CACUL1: variants seen among roughly 807,000 people sequenced by gnomAD.
CACUL1 encodes CDK2 associated cullin domain 1.
In CACUL1, 13 loss-of-function variants were observed where a neutral mutation model predicts 45.2. The observed-to-expected ratio is 0.29, with a 90% CI of 0.19 to 0.46. The LOEUF (loss-of-function observed/expected upper bound fraction) is 0.46. CACUL1 is among the 20% of genes least tolerant of loss of function. The pLI is 1.00. For synonymous variants in CACUL1, 197 were observed against 174.2 expected, an observed-to-expected ratio of 1.13 and a Z score of -1.03; for missense variants, 421 against 471.4, an observed-to-expected ratio of 0.89 and a Z score of 0.99.
In CACUL1 at chr10:118,754,641, G is replaced by C. The variant is rs748418336; in HGVS notation, c.122C>G (p.Pro41Arg). Residue 41 changes from proline (P) to arginine (R), a missense_variant, in exon 1 of 9, where the codon CCC (proline) becomes CGC (arginine). By Grantham distance (103) the Pro-to-Arg change is moderately radical (BLOSUM62 -2). Around this residue, in one of 2 missense-constraint regions of CACUL1, gnomAD observed 213 missense variants for 173.1 expected, o/e 1.23. Transcript: ENST00000369151. ...GFRQPLPPPP[P>R]PSSIPAPARE... ...GGCAGGGGCCGGGATCGACGAGGGG[G>C]GCGGCGGAGGTGGCAGGGGCTGCCG... 5.4e-5 allele frequency: 86 copies of C among 1,606,150 alleles called. No individual in the cohort carries two copies. The highest frequency in any genetic ancestry group is 7.3e-5 in the Non-Finnish European group (86 of 1,177,188).
chr10:118,690,064 G>A (rs1045789440), intron 7 of CACUL1, among the ~76,000 whole-genome samples: 8 of 152,122 alleles, frequency 5.3e-5, no homozygotes, highest in Non-Finnish European at 8.8e-5. Flanking sequence ...CAGCACTTTG[G>A]GAGGCCAAGT....
chr10:118,706,740 T>C (rs926145793), intron 4 of CACUL1, among the ~76,000 whole-genome samples: 7 of 152,212 alleles, frequency 4.6e-5, no homozygotes, highest in African/African-American at 1.7e-4. Flanking sequence ...TAAGTGTAAA[T>C]GAAAATCAGG....
intron 3 of CACUL1, among the ~76,000 whole-genome samples, chr10:118,717,967 T>C (rs987247574): frequency 1.3e-5 from 2 of 152,014 alleles, no homozygotes; most frequent in Non-Finnish European, 2.9e-5. Flanking sequence ...AAAAAGGTGG[T>C]GATTAACTGC....
At chr10:118,716,233 A>G (rs552045098) in intron 3 of CACUL1, among the ~76,000 whole-genome samples, 100 of 150,046 alleles carry the variant, frequency 6.7e-4, no homozygotes, top group African/African-American at 2.4e-3. Context: ...CTCCGTCTCA[A>G]AAAAAAAAAG....
At chr10:118,727,401 A>AT (rs1341964743) in intron 3 of CACUL1, among the ~76,000 whole-genome samples, 1 of 61,958 alleles carries the variant, frequency 1.6e-5, no homozygotes, top group Non-Finnish European at 3.8e-5. Flanking sequence ...TCTCAAAAAA[A>AT]TTAAAAAAAA....
chr10:118,754,288 A>C, intron 1 of CACUL1, 108 bp downstream of exon 1: 1 of 1,410,842 alleles, frequency 7.1e-7, no homozygotes, highest in East Asian at 2.8e-5. Context: ...AGAAGAGGAA[A>C]GACCGAGGCC....
intron 4 of CACUL1, 39 bp downstream of exon 4, chr10:118,707,453 A>T (rs1845443075): frequency 1.1e-6 from 1 of 927,112 alleles, no homozygotes; most frequent in Non-Finnish European, 1.8e-6. Flanking sequence ...TCAACAATAC[A>T]CCTAGGTATT....
At chr10:118,738,799 T>C (rs903510715) in intron 1 of CACUL1, among the ~76,000 whole-genome samples, 16 of 144,006 alleles carry the variant, frequency 1.1e-4, no homozygotes, top group South Asian at 4.4e-4. Flanking sequence ...ATCCAGAGAA[T>C]AGAACTTGTT....
intron 1 of CACUL1, among the ~76,000 whole-genome samples, chr10:118,749,910 A>G (rs1399766480): frequency 6.6e-6 from 1 of 152,374 alleles, no homozygotes; most frequent in East Asian, 1.9e-4. Flanking sequence ...CTGTGAAGTC[A>G]GGAATATCAA....
chr10:118,751,920 CTTTAGAGT>C (rs1261351771), intron 1 of CACUL1, among the ~76,000 whole-genome samples: 2 of 152,110 alleles, frequency 1.3e-5, no homozygotes, highest in South Asian at 2.1e-4. Flanking sequence ...TTCCTAGAGA[CTTTAGAGT>C]TTTGTTGCTA....
At chr10:118,691,033 G>A (rs1478989443) in intron 7 of CACUL1, among the ~76,000 whole-genome samples, 1 of 152,124 alleles carries the variant, frequency 6.6e-6, no homozygotes, top group East Asian at 1.9e-4. Flanking sequence ...CCTAGAAAAC[G>A]GAGCAAGACT....
chr10:118,738,360 A>G (rs1845758919), intron 1 of CACUL1, among the ~76,000 whole-genome samples: 1 of 152,226 alleles, frequency 6.6e-6, no homozygotes, highest in Non-Finnish European at 1.5e-5. Flanking sequence ...TGAGAAGCAC[A>G]GAACTGGCAG....
intron 3 of CACUL1, among the ~76,000 whole-genome samples, chr10:118,724,490 C>T (rs192724482): frequency 2.0e-5 from 3 of 152,272 alleles, no homozygotes; most frequent in African/African-American, 7.2e-5. Context: ...TTAGGGTTCC[C>T]ACTAGGAACC....
intron 3 of CACUL1, among the ~76,000 whole-genome samples, chr10:118,715,147 AT>A (rs1240860187): frequency 5.3e-5 from 8 of 152,232 alleles, no homozygotes; most frequent in African/African-American, 1.2e-4. Context: ...GCATAATTAT[AT>A]TAAAAATAAT....
chr10:118,710,162 G>A (rs545068578), intron 3 of CACUL1, among the ~76,000 whole-genome samples: 2 of 151,584 alleles, frequency 1.3e-5, no homozygotes, highest in South Asian at 4.2e-4. Context: ...CTGGGCTCAA[G>A]CAACCCTCCT....
At chr10:118,733,733 C>T (rs1429188093) in intron 1 of CACUL1, among the ~76,000 whole-genome samples, 1 of 152,152 alleles carries the variant, frequency 6.6e-6, no homozygotes, top group African/African-American at 2.4e-5. Context: ...AAAAGTAGGC[C>T]AGGCGCACTG....
At chr10:118,714,491 A>G (rs2119606869) in intron 3 of CACUL1, among the ~76,000 whole-genome samples, 1 of 152,362 alleles carries the variant, frequency 6.6e-6, no homozygotes, top group African/African-American at 2.4e-5. Context: ...ACTTCAAAGC[A>G]CAAGTTTCAT....
intron 8 of CACUL1, 76 bp downstream of exon 8, chr10:118,686,521 CA>C: frequency 9.2e-7 from 1 of 1,092,692 alleles, no homozygotes; most frequent in South Asian, 1.3e-5. Context: ...AAATTCAATG[CA>C]CTGTTATCAC....
chr10:118,744,314 A>G (rs1845820956), intron 1 of CACUL1, among the ~76,000 whole-genome samples: 1 of 152,082 alleles, frequency 6.6e-6, no homozygotes, highest in Non-Finnish European at 1.5e-5. Context: ...TGAGCCCGGG[A>G]GGTGGAGGTT....
Sources: allele counts gnomAD v4.1 joint callset (sites outside exome capture counted in the v4.1 genomes callset), GRCh38; gene constraint gnomAD v4.1.1; regional missense constraint gnomAD v4.1.1; transcripts MANE v1.5; gene names NCBI Gene and HGNC (gene_info 2026-07-23, HGNC 2026-07-21).